Variants in SEMA3A observed in about 807,000 individuals in gnomAD.
SEMA3A encodes semaphorin-3A.
Under a neutral mutation model 97.9 loss-of-function variants are expected in SEMA3A, and 29 were observed. That is an observed-to-expected ratio of 0.30 (90% CI 0.22 to 0.40). The LOEUF is 0.40. Among genes scored for constraint, SEMA3A ranks in the 10% least tolerant of loss-of-function variants. The pLI is 1.00. For synonymous variants in SEMA3A, 321 were observed against 323.7 expected (o/e 0.99, Z 0.09); for missense variants, 763 against 951.3 (o/e 0.80, Z 2.60).
At chr7:84,161,182 G>A (rs1440959919) in intron 1 of SEMA3A, among the ~76,000 whole-genome samples, 4 of 151,954 alleles carry the variant, frequency 2.6e-5, no homozygotes, top group Non-Finnish European at 5.9e-5. Flanking sequence ...TGGCTAACAC[G>A]GTGAAACCCT....
intron 9 of SEMA3A, among the ~76,000 whole-genome samples, chr7:84,009,898 C>A (rs1333736941): frequency 1.2e-5 from 1 of 86,668 alleles, no homozygotes; most frequent in Non-Finnish European, 2.0e-5. Context: ...GAGTTTGACA[C>A]TGGTTACAAA....
chr7:84,003,660 TGAGA>T (rs1480153249), intron 11 of SEMA3A, among the ~76,000 whole-genome samples: 2 of 152,092 alleles, frequency 1.3e-5, no homozygotes, highest in Non-Finnish European at 1.5e-5. Context: ...TGACAGTGAG[TGAGA>T]GACTTCTCAA....
At chr7:83,986,036 G>A (rs759112365) in intron 12 of SEMA3A, among the ~76,000 whole-genome samples, 1 of 152,160 alleles carries the variant, frequency 6.6e-6, no homozygotes, top group Non-Finnish European at 1.5e-5. Flanking sequence ...TTTTATCTGT[G>A]TTTGGACATG....
intron 1 of SEMA3A, among the ~76,000 whole-genome samples, chr7:84,385,464 T>C (rs1020105604): frequency 1.3e-5 from 2 of 152,246 alleles, no homozygotes; most frequent in Admixed American, 6.5e-5. Context: ...CTTTTGTTAA[T>C]GTGTGATCCA....
intron 3 of SEMA3A, among the ~76,000 whole-genome samples, chr7:84,268,688 G>C (rs960994137): frequency 1.6e-4 from 24 of 152,172 alleles, no homozygotes; most frequent in Middle Eastern, 6.8e-3. Context: ...TTCCTCTCTA[G>C]ATAGAATGTC....
At chr7:84,406,593 C>A (rs1229462459) in intron 1 of SEMA3A, among the ~76,000 whole-genome samples, 132 of 150,386 alleles carry the variant, frequency 8.8e-4, no homozygotes, top group Non-Finnish European at 1.5e-3. Flanking sequence ...AGAGACACAA[C>A]AAAAAAAAAG....
intron 15 of SEMA3A, among the ~76,000 whole-genome samples, chr7:83,974,333 A>G (rs966572191): frequency 1.3e-5 from 2 of 152,132 alleles, no homozygotes; most frequent in African/African-American, 2.4e-5. Context: ...TGTTTCATCT[A>G]AAGTGAAATT....
At chr7:84,069,531 C>A (rs1289772514) in intron 4 of SEMA3A, among the ~76,000 whole-genome samples, 2 of 152,048 alleles carry the variant, frequency 1.3e-5, no homozygotes, top group African/African-American at 4.8e-5. Context: ...TTTGAAATAT[C>A]TGTAAATATT....
At chr7:84,487,843 C>A (rs1430159174) in intron 1 of SEMA3A, among the ~76,000 whole-genome samples, 3 of 152,006 alleles carry the variant, frequency 2.0e-5, no homozygotes, top group Non-Finnish European at 2.9e-5. Context: ...AAATGCTGAT[C>A]ATATTTAAAT....
intron 1 of SEMA3A, among the ~76,000 whole-genome samples, chr7:84,473,415 G>C (rs946629976): frequency 1.3e-5 from 2 of 148,190 alleles, no homozygotes; most frequent in Non-Finnish European, 3.0e-5. Flanking sequence ...TATTATTTGC[G>C]ATTGAATCTC....
intron 4 of SEMA3A, among the ~76,000 whole-genome samples, chr7:84,090,736 A>T (rs1166805756): frequency 1.3e-5 from 2 of 152,100 alleles, no homozygotes; most frequent in Non-Finnish European, 2.9e-5. Context: ...AAATATTATC[A>T]AATATGTAAA....
Position 84,313,350 on chromosome 7 carries a change from GTGTGTGTATA to G in SEMA3A, c.-168-6068_-168-6059del, listed in dbSNP as rs1480460206. ...AATACATATATATATATGTATATGT[GTGTGTGTATA>G]TATATATATATATATATATATATAT... On this transcript the variant is annotated intron_variant, in intron 2 of 3. Coordinates refer to the SEMA3A transcript ENST00000424555. Among the ~76,000 whole-genome samples, 141 of 38,672 alleles carry G rather than the reference GTGTGTGTATA, an allele frequency of 3.6e-3. 2 individuals carry two copies. The highest frequency in any genetic ancestry group is 0.013 in the African/African-American group (139 of 11,038). The allele number at this position is 38,672 out of a possible 152,430, so 25.4% of individuals were successfully genotyped here. A position where few individuals can be genotyped will look rare whatever the true frequency, so the allele number is the denominator to read the frequency against.
chr7:84,161,938 AAT>A (rs1797048640), intron 1 of SEMA3A, among the ~76,000 whole-genome samples: 1 of 152,168 alleles, frequency 6.6e-6, no homozygotes, highest in South Asian at 2.1e-4. Context: ...CAATACTGAC[AAT>A]ATATCAGAAA....
intron 12 of SEMA3A, among the ~76,000 whole-genome samples, chr7:83,993,515 T>C (rs1468564386): frequency 2.0e-5 from 3 of 150,948 alleles, no homozygotes; most frequent in Admixed American, 2.0e-4. Context: ...GGCCTGGTGG[T>C]GACAAAATCT....
Position 84,411,228 on chromosome 7 carries a change from T to C in SEMA3A, c.-245-39328A>G, listed in dbSNP as rs186602822. 3.1e-4 allele frequency among the ~76,000 whole-genome samples: 47 copies of C among 152,210 alleles called. 1 individual carries two copies. Among genetic ancestry groups the C allele is most frequent in the African/African-American group, 1.1e-3 (44 of 41,546 alleles). Reference sequence around the variant, plus strand: ...GGAAAAAAATTGGTAGCGGTCCACTTGGGATTTTTTATAATATTGCAAAAT... The same window carrying C: ...GGAAAAAAATTGGTAGCGGTCCACTCGGGATTTTTTATAATATTGCAAAAT... On this transcript the variant is annotated intron_variant, in intron 1 of 3. Coordinates refer to the SEMA3A transcript ENST00000424555.
intron 2 of SEMA3A, among the ~76,000 whole-genome samples, chr7:84,325,429 T>C (rs576497057): frequency 1.3e-5 from 2 of 152,034 alleles, no homozygotes; most frequent in Admixed American, 1.3e-4. Flanking sequence ...TGAACAAAGA[T>C]CTGAATAAAG....
chr7:84,013,735 T>C (rs3779440), intron 7 of SEMA3A, among the ~76,000 whole-genome samples: 25,988 of 151,990 alleles, frequency 0.17, 3,190 homozygotes, highest in African/African-American at 0.35. Flanking sequence ...TAATCCCAGC[T>C]ACTTGGGAGG....
chr7:84,247,665 T>A (rs1799508253), intron 3 of SEMA3A, among the ~76,000 whole-genome samples: 1 of 152,196 alleles, frequency 6.6e-6, no homozygotes, highest in African/African-American at 2.4e-5. Flanking sequence ...TAGCTGTTTT[T>A]GCTTCTAAAA....
At chr7:84,117,693 CCT>C (rs1305450040) in intron 3 of SEMA3A, among the ~76,000 whole-genome samples, 4 of 152,110 alleles carry the variant, frequency 2.6e-5, no homozygotes, top group Non-Finnish European at 5.9e-5. Flanking sequence ...AAAACCATCC[CCT>C]TTTTGGCCTG....
Sources: allele counts gnomAD v4.1 joint callset (sites outside exome capture counted in the v4.1 genomes callset), GRCh38; gene constraint gnomAD v4.1.1; transcripts MANE v1.5; gene names NCBI Gene and HGNC (gene_info 2026-07-23, HGNC 2026-07-21).